AMMECR1: variants seen among roughly 807,000 people sequenced by gnomAD.
AMMECR1 encodes AMMECR nuclear protein 1.
Under a neutral mutation model 22.5 loss-of-function variants are expected in AMMECR1, and 3 were observed. The observed-to-expected ratio is 0.13, with a 90% CI of 0.06 to 0.35. AMMECR1 has a LOEUF of 0.35. Among genes scored for constraint, AMMECR1 ranks in the 10% least tolerant of loss-of-function variants. The pLI is 1.00. For synonymous variants in AMMECR1, 130 were observed against 116.7 expected (o/e 1.11, Z -0.74); for missense variants, 235 against 278.7 (o/e 0.84, Z 1.12).
chrX:110,421,775 T>C (rs2068719115), intron 2 of AMMECR1, among the ~76,000 whole-genome samples: 1 of 112,827 alleles, frequency 8.9e-6, no homozygotes, highest in African/African-American at 3.2e-5. Flanking sequence ...CAGACACCTG[T>C]TCATCCCTCT....
chrX:110,400,962 G>C (rs1232849331), intron 2 of AMMECR1, among the ~76,000 whole-genome samples: 3 of 111,950 alleles, frequency 2.7e-5, no homozygotes, highest in Non-Finnish European at 5.6e-5. Context: ...TCCAAGAGGT[G>C]GTGAGAGCAG....
intron 1 of AMMECR1, among the ~76,000 whole-genome samples, chrX:110,278,529 C>T (rs916769843): frequency 6.3e-5 from 7 of 111,843 alleles, no homozygotes; most frequent in Middle Eastern, 4.6e-3. Flanking sequence ...TCACTTTCCA[C>T]GTCTCTTTAG....
chrX:110,318,960 G>A (rs1602894284), upstream of AMMECR1, among the ~76,000 whole-genome samples: 1 of 112,165 alleles, frequency 8.9e-6, no homozygotes, highest in Non-Finnish European at 1.9e-5. Flanking sequence ...GGACTTTTCT[G>A]GTTTTGGTTT....
At chrX:110,407,059 A>G (rs1378180733) in intron 2 of AMMECR1, among the ~76,000 whole-genome samples, 1 of 111,591 alleles carries the variant, frequency 9.0e-6, no homozygotes, top group Non-Finnish European at 1.9e-5. Context: ...GGTATTGCGC[A>G]AACGCTGCTT....
At chrX:110,230,302 T>C (rs2067557578) in intron 2 of AMMECR1, among the ~76,000 whole-genome samples, 2 of 111,926 alleles carry the variant, frequency 1.8e-5, no homozygotes, top group South Asian at 7.4e-4. Context: ...GGACGAAGCT[T>C]CCAGAGGAAG....
At chrX:110,362,062 G>A (rs778943203) in intron 2 of AMMECR1, among the ~76,000 whole-genome samples, 1 of 111,847 alleles carries the variant, frequency 8.9e-6, no homozygotes. Flanking sequence ...ATCTAGAATA[G>A]TACCTGGCAT....
chrX:110,344,915 G>A (rs372544444), intron 2 of AMMECR1, among the ~76,000 whole-genome samples: 25 of 112,200 alleles, frequency 2.2e-4, no homozygotes, highest in African/African-American at 6.5e-4. Context: ...AACTAGTTCA[G>A]CCATTGTGGA....
Position 110,197,629 on chromosome X carries a change from C to T in AMMECR1, c.*891G>A, listed in dbSNP as rs1253357628. 4 of 111,842 alleles carry T rather than the reference C, an allele frequency of 3.6e-5. No individual in the cohort carries two copies. The highest frequency in any genetic ancestry group is 7.5e-5 in the Non-Finnish European group (4 of 53,090). The allele number at this position is 111,842 out of a possible 1,213,427, so 9.2% of individuals were successfully genotyped here. On this transcript the variant is annotated 3_prime_UTR_variant, in exon 6 of 6. Coordinates refer to ENST00000262844, the MANE Select transcript of AMMECR1 (RefSeq NM_015365.3). ...TTTTTTCTAACCCCTCTTAATTCCA[C>T]TTAATTATATTCTTCTCAAAGGCAC...
At chrX:110,398,072 G>T (rs1371799347) in intron 2 of AMMECR1, among the ~76,000 whole-genome samples, 1 of 111,585 alleles carries the variant, frequency 9.0e-6, no homozygotes, top group Non-Finnish European at 1.9e-5. Context: ...CTCCTCCCAC[G>T]CATAGGCTGA....
chrX:110,374,430 C>T (rs1032076157), intron 2 of AMMECR1, among the ~76,000 whole-genome samples: 6 of 111,702 alleles, frequency 5.4e-5, no homozygotes, highest in African/African-American at 2.0e-4. Context: ...TTTAGTACAG[C>T]CTGAGATTGG....
chrX:110,214,219 C>T (rs1056208691), intron 3 of AMMECR1, among the ~76,000 whole-genome samples: 7 of 109,577 alleles, frequency 6.4e-5, no homozygotes, highest in Non-Finnish European at 1.3e-4. Flanking sequence ...ACTGAGATCA[C>T]GCCACTGCAG....
chrX:110,423,131 C>A (rs1300348872), intron 2 of AMMECR1, among the ~76,000 whole-genome samples: 1 of 111,306 alleles, frequency 9.0e-6, no homozygotes, highest in Non-Finnish European at 1.9e-5. Context: ...TGTTGGAGAC[C>A]AGCCTGGCCA....
intron 3 of AMMECR1, among the ~76,000 whole-genome samples, chrX:110,214,373 T>A (rs2067462892): frequency 9.0e-6 from 1 of 111,091 alleles, no homozygotes; most frequent in South Asian, 3.8e-4. Context: ...GTAGGAACAA[T>A]ATAGAATCTT....
chrX:110,225,767 C>A (rs139925029), intron 2 of AMMECR1, among the ~76,000 whole-genome samples: 139 of 111,847 alleles, frequency 1.2e-3, no homozygotes, highest in African/African-American at 4.1e-3. Context: ...TAGAAATCTA[C>A]TTAACTAGGT....
At chrX:110,316,041 T>C (rs1274882941) in intron 1 of AMMECR1, among the ~76,000 whole-genome samples, 2 of 112,370 alleles carry the variant, frequency 1.8e-5, no homozygotes, top group Non-Finnish European at 3.8e-5. Flanking sequence ...TATAAAGATA[T>C]TTATTTGACG....
intron 1 of AMMECR1, among the ~76,000 whole-genome samples, chrX:110,298,019 G>A (rs767479276): frequency 1.3e-4 from 14 of 111,662 alleles, no homozygotes; most frequent in Non-Finnish European, 2.1e-4. Flanking sequence ...TGTTATAAAC[G>A]TTTGGCTGTA....
intron 1 of AMMECR1, among the ~76,000 whole-genome samples, chrX:110,288,742 T>C (rs2067893423): frequency 8.9e-6 from 1 of 112,030 alleles, no homozygotes; most frequent in Admixed American, 9.5e-5. Flanking sequence ...TCCTCACAAA[T>C]CTAATCTCAC....
At chrX:110,210,580 C>G (rs2067443334) in intron 3 of AMMECR1, among the ~76,000 whole-genome samples, 1 of 111,536 alleles carries the variant, frequency 9.0e-6, no homozygotes, top group Non-Finnish European at 1.9e-5. Flanking sequence ...AAATGTAAAC[C>G]TTTAAGGGGG....
intron 2 of AMMECR1, among the ~76,000 whole-genome samples, chrX:110,257,573 C>T (rs776170790): frequency 5.4e-5 from 6 of 111,758 alleles, no homozygotes; most frequent in East Asian, 5.6e-4. Flanking sequence ...ATGATTTACA[C>T]GCATCCCTAT....
Sources: gnomAD v4.1 joint callset for allele counts (sites outside exome capture counted in the v4.1 genomes callset) on GRCh38, gnomAD v4.1.1 for gene constraint, MANE v1.5 for transcripts, NCBI Gene and HGNC (gene_info 2026-07-23, HGNC 2026-07-21) for gene names.